Variants in DCDC1 observed in about 807,000 individuals in gnomAD.
The protein encoded by DCDC1 is doublecortin domain containing 1.
In DCDC1, 200 loss-of-function variants were observed where a neutral mutation model predicts 178.3. The observed-to-expected ratio is 1.12, with a 90% confidence interval of 1.00 to 1.26. The LOEUF is 1.26. DCDC1 is among the 50% of genes most tolerant of loss of function. The pLI is 0.00. For synonymous variants in DCDC1, 690 were observed against 604.8 expected (o/e 1.14, Z -2.07); for missense variants, 1,983 against 1,749.2 (o/e 1.13, Z -2.38).
At chr11:30,947,196 A>G (rs1241312433) in intron 21 of DCDC1, among the ~76,000 whole-genome samples, 1 of 152,232 alleles carries the variant, frequency 6.6e-6, no homozygotes, top group Admixed American at 6.5e-5. Flanking sequence ...TCATAAAGAT[A>G]CAAAGAGATG....
intron 3 of DCDC1, among the ~76,000 whole-genome samples, chr11:31,309,257 T>G (rs1047404221): frequency 4.6e-5 from 7 of 152,106 alleles, no homozygotes; most frequent in African/African-American, 1.7e-4. Flanking sequence ...TCATCACATG[T>G]TTCTATCCAA....
chr11:31,227,548 C>G (rs1975155975), intron 9 of DCDC1, among the ~76,000 whole-genome samples: 1 of 151,706 alleles, frequency 6.6e-6, no homozygotes, highest in African/African-American at 2.4e-5. Flanking sequence ...AATGAAGTGA[C>G]CACAAAGAAA....
At chr11:31,014,792 C>T (rs1952383342) in intron 20 of DCDC1, among the ~76,000 whole-genome samples, 1 of 152,050 alleles carries the variant, frequency 6.6e-6, no homozygotes, top group Non-Finnish European at 1.5e-5. Flanking sequence ...TGTATCCAAG[C>T]ACTACTTTTA....
chr11:31,188,635 C>T (rs1453188971), intron 9 of DCDC1, among the ~76,000 whole-genome samples: 1 of 152,162 alleles, frequency 6.6e-6, no homozygotes, highest in African/African-American at 2.4e-5. Flanking sequence ...GTATACCAAA[C>T]AAACAGGTAC....
At chr11:31,161,276 G>A (rs571189394) in intron 9 of DCDC1, among the ~76,000 whole-genome samples, 23 of 152,220 alleles carry the variant, frequency 1.5e-4, no homozygotes, top group Non-Finnish European at 2.8e-4. Flanking sequence ...GCGTAATTTC[G>A]AGGCCTATCA....
chr11:31,119,902 C>G (rs1230113961), intron 11 of DCDC1, among the ~76,000 whole-genome samples: 1 of 152,156 alleles, frequency 6.6e-6, no homozygotes. Context: ...TTTTGCTAAT[C>G]TGTTCATAGT....
intron 6 of DCDC1, among the ~76,000 whole-genome samples, chr11:31,297,625 A>G (rs1461135427): frequency 2.0e-5 from 3 of 152,148 alleles, no homozygotes; most frequent in Non-Finnish European, 2.9e-5. Flanking sequence ...GATCACAGGC[A>G]TGAGCCACCA....
intron 11 of DCDC1, among the ~76,000 whole-genome samples, chr11:31,110,978 G>A (rs201315113): frequency 6.6e-6 from 1 of 150,408 alleles, no homozygotes. Context: ...ACTCGCTGGG[G>A]AAAAAAAAAA....
At position 31,168,334 on chromosome 11, in the gene DCDC1, T is replaced by C. The variant is rs555254943; in HGVS notation, c.1222-30550A>G. 5.9e-5 allele frequency among the ~76,000 whole-genome samples: 9 copies of C among 152,318 alleles called. No individual in the cohort carries two copies. The East Asian group carries it at 1.5e-3, about 26-fold the overall frequency. ...TCCTACCTTTGACTCCAACAATCCA[T>C]AAATTTATGATTTGTCTGTACTGAC... On this transcript the variant is annotated intron_variant, in intron 9 of 38. Coordinates refer to ENST00000684477, the MANE Select transcript of DCDC1 (RefSeq NM_001387274.1).
intron 9 of DCDC1, among the ~76,000 whole-genome samples, chr11:31,175,558 G>A (rs1481158150): frequency 1.3e-5 from 2 of 152,136 alleles, no homozygotes; most frequent in East Asian, 1.9e-4. Flanking sequence ...TTGTTTTTGT[G>A]GAAAGACCAC....
chr11:30,902,393 G>A (rs1195501970), intron 32 of DCDC1, among the ~76,000 whole-genome samples: 2 of 152,108 alleles, frequency 1.3e-5, no homozygotes, highest in East Asian at 3.9e-4. Flanking sequence ...CTCCCGAATT[G>A]TGAGAAATAA....
intron 7 of DCDC1, among the ~76,000 whole-genome samples, chr11:31,267,654 C>T (rs948272165): frequency 2.0e-5 from 3 of 152,168 alleles, no homozygotes; most frequent in Non-Finnish European, 4.4e-5. Flanking sequence ...TCTTGTGGGT[C>T]AATTTCTTCA....
Position 31,367,680 on chromosome 11 carries a change from G to A in DCDC1, c.-125+2017C>T, listed in dbSNP as rs549872177. On this transcript the variant is annotated intron_variant, in intron 1 of 38. Transcript: ENST00000684477. ...GTGTGTTCGGGCACAATACATACCA[G>A]CTTTTGAAGACTTAGTAGGAGAAAA... 4.6e-5 allele frequency among the ~76,000 whole-genome samples: 7 copies of A among 152,298 alleles called. No homozygotes were observed. The South Asian group carries it at 1.4e-3, about 32-fold the overall frequency.
intron 11 of DCDC1, among the ~76,000 whole-genome samples, chr11:31,118,963 C>A (rs553242724): frequency 6.6e-6 from 1 of 152,160 alleles, no homozygotes; most frequent in Non-Finnish European, 1.5e-5. Context: ...CACCTGACTG[C>A]AGATGCCTGT....
intron 20 of DCDC1, among the ~76,000 whole-genome samples, chr11:30,973,098 C>T (rs1184870106): frequency 6.6e-6 from 1 of 151,668 alleles, no homozygotes; most frequent in Non-Finnish European, 1.5e-5. Context: ...ATGGCAAAAC[C>T]CCATCTCTAC....
rs548354986 is a variant in DCDC1, at chr11:30,933,164, T to C, written c.2716-1212A>G. The stretch of plus-strand genomic sequence containing the variant: ...TAGTAATGTACTGCTTTGATTATAA[T>C]ATATTTTTATGTGGTAAGTCTTGAT... On this transcript the variant is annotated intron_variant, in intron 21 of 38. Transcript: ENST00000684477. Among the ~76,000 whole-genome samples the C allele has an allele frequency of 2.0e-5, 3 of 152,224 alleles. No homozygotes were observed. The South Asian group carries it at 6.2e-4, about 32-fold the overall frequency.
chr11:31,026,783 C>T (rs893939142), intron 20 of DCDC1, among the ~76,000 whole-genome samples: 2 of 151,756 alleles, frequency 1.3e-5, no homozygotes, highest in African/African-American at 4.8e-5. Flanking sequence ...CCAAACTTTA[C>T]ACAAAATTAT....
At chr11:30,894,184 T>A in intron 35 of DCDC1, 64 bp downstream of exon 35, 2 of 1,558,798 alleles carry the variant, frequency 1.3e-6, no homozygotes, top group Non-Finnish European at 1.7e-6. Context: ...AAATTCAATA[T>A]TGTACTTTTA....
intron 9 of DCDC1, among the ~76,000 whole-genome samples, chr11:31,180,732 T>C (rs1243495781): frequency 6.6e-6 from 1 of 152,092 alleles, no homozygotes; most frequent in Non-Finnish European, 1.5e-5. Context: ...CTCAGGTGCC[T>C]ACGCCACCAG....
Sources: gnomAD v4.1 joint callset for allele counts (sites outside exome capture counted in the v4.1 genomes callset) on GRCh38, gnomAD v4.1.1 for gene constraint, MANE v1.5 for transcripts, NCBI Gene and HGNC (gene_info 2026-07-23, HGNC 2026-07-21) for gene names.